Variants in NEIL2 observed in about 807,000 individuals in gnomAD.
NEIL2 encodes nei like DNA glycosylase 2, also known as endonuclease 8-like 2.
Under a neutral mutation model 22.2 loss-of-function variants are expected in NEIL2, and 23 were observed. The observed-to-expected ratio is 1.04, with a 90% confidence interval of 0.75 to 1.47. The LOEUF is 1.47. NEIL2 is among the 40% of genes most tolerant of loss of function. The probability of loss-of-function intolerance (pLI) is 0.00; values close to 1 mark genes in which losing one functional copy is unlikely to be tolerated. For missense variants in NEIL2, 583 were observed against 404.7 expected, an observed-to-expected ratio of 1.44 and a Z score of -3.78; for synonymous variants, 229 against 164.8, an observed-to-expected ratio of 1.39 and a Z score of -2.99.
At chr8:11,770,924 G>T (rs933870298) in intron 1 of NEIL2, among the ~76,000 whole-genome samples, 1 of 152,206 alleles carries the variant, frequency 6.6e-6, no homozygotes, top group African/African-American at 2.4e-5. Context: ...CTGTCTGCGT[G>T]TTGGTCGTTT....
intron 2 of NEIL2, among the ~76,000 whole-genome samples, chr8:11,772,401 C>T (rs183505391): frequency 1.4e-4 from 21 of 152,262 alleles, no homozygotes; most frequent in African/African-American, 4.6e-4. Flanking sequence ...TCACTTGCTG[C>T]CCCCTGCTCA....
chr8:11,784,924 A>G lies in NEIL2; in HGVS notation c.689-1039A>G, dbSNP rs922979729. 1.4e-4 allele frequency among the ~76,000 whole-genome samples: 21 copies of G among 152,214 alleles called. No individual in the cohort carries two copies. In the East Asian group the frequency reaches 2.9e-3, roughly 21 times the overall value. ...CTCTCTGTCACCCAGGCCAGAGTGCAGTGGCACAATCACAACCCACTGCAG... is the reference window on the plus strand; with the variant it reads ...CTCTCTGTCACCCAGGCCAGAGTGCGGTGGCACAATCACAACCCACTGCAG... On this transcript the variant is annotated intron_variant, in intron 4 of 4. Transcript: ENST00000284503.
At position 11,786,068 on chromosome 8, in the gene NEIL2, T is replaced by G; in HGVS notation, c.794T>G (p.Val265Gly). 6.2e-7 allele frequency: 1 copy of G among 1,614,060 alleles called. No individual in the cohort carries two copies. Among genetic ancestry groups the G allele is most frequent in the Admixed American group, 1.7e-5 (1 of 60,016 alleles). ...CGGGAGGTCCTGGTGGATCACGTGG[T>G]GGAGTTCAGTACAGCCTGGCTGCAG... is the stretch of plus-strand genomic sequence containing the variant. ...SRREVLVDHV[V>G]EFSTAWLQGK... is the part of the protein sequence containing the mutation. Residue 265 changes from valine (V) to glycine (G), a missense_variant, in exon 5 of 5, where the codon GTG becomes GGG. By Grantham distance (109) the Val-to-Gly change is moderately radical. Transcript: ENST00000284503.
At chr8:11,780,069 C>T in intron 3 of NEIL2, 119 bp downstream of exon 3, 3 of 842,360 alleles carry the variant, frequency 3.6e-6, no homozygotes, top group South Asian at 1.6e-5. Flanking sequence ...CCCCAGGGCC[C>T]TGCTGTCTTG....
chr8:11,783,281 C>A lies in NEIL2; in HGVS notation c.570C>A (p.Val190=). 1 of 1,614,170 alleles carries A rather than the reference C, an allele frequency of 6.2e-7. No individual in the cohort carries two copies. The highest frequency in any genetic ancestry group is 8.5e-7 in the Non-Finnish European group (1 of 1,180,010). The change falls in exon 4 of 5, where the codon GTC becomes GTA. Residue 190 remains valine, a synonymous_variant. Transcript: ENST00000284503. ...CQLSWSSSPV[V]TPTCDILSEK... ...TGTCTTGGAGCTCTTCCCCAGTGGTCACACCCACCTGTGACATCCTGTCTG... is the reference window on the plus strand; with the variant it reads ...TGTCTTGGAGCTCTTCCCCAGTGGTAACACCCACCTGTGACATCCTGTCTG...
chr8:11,779,222 C>G (rs934463342), intron 2 of NEIL2, among the ~76,000 whole-genome samples: 8 of 152,116 alleles, frequency 5.3e-5, no homozygotes, highest in African/African-American at 1.7e-4. Flanking sequence ...GTGTGCATTC[C>G]CACGCACCGC....
chr8:11,779,819 A>T lies in NEIL2; in HGVS notation c.360A>T (p.Arg120Ser). ...QGEDDSEYLE[R>S]DAPAGDAGRW... The stretch of plus-strand genomic sequence containing the variant: ...AGGATGATTCTGAGTATTTGGAGAG[A>T]GACGCCCCTGCAGGAGATGCTGGGA... The change falls in exon 3 of 5, where the codon AGA becomes AGT. Residue 120 changes from arginine to serine, a missense_variant. By Grantham distance (110) the Arg-to-Ser change is moderately radical (BLOSUM62 -1). Transcript: ENST00000284503. The T allele has an allele frequency of 6.2e-7, 1 of 1,614,036 alleles. No individual in the cohort carries two copies. Among genetic ancestry groups the T allele is most frequent in the Non-Finnish European group, 8.5e-7 (1 of 1,179,980 alleles).
At chr8:11,777,090 C>T (rs8191594) in intron 2 of NEIL2, among the ~76,000 whole-genome samples, 6,314 of 152,192 alleles carry the variant, frequency 0.041, 321 homozygotes, top group East Asian at 0.21. Flanking sequence ...GCCCAGGTAA[C>T]GGCCAGCTTC....
At chr8:11,771,699 C>T (rs974337372) in intron 2 of NEIL2, 114 bp downstream of exon 2, 7 of 1,087,878 alleles carry the variant, frequency 6.4e-6, no homozygotes, top group African/African-American at 4.6e-5. Flanking sequence ...CCACCAAGCT[C>T]GGACTCCATG....
intron 2 of NEIL2, among the ~76,000 whole-genome samples, chr8:11,778,136 C>T (rs902672146): frequency 1.4e-4 from 22 of 152,212 alleles, no homozygotes; most frequent in African/African-American, 5.3e-4. Context: ...GGTATGAGGA[C>T]ATCCTGACCT....
intron 2 of NEIL2, among the ~76,000 whole-genome samples, chr8:11,778,943 G>GAAA (rs57173797): frequency 0.21 from 9,460 of 44,098 alleles, 2,276 homozygotes; most frequent in Non-Finnish European, 0.26. Flanking sequence ...GACTCCATCT[G>GAAA]AAAAAAAAAA....
chr8:11,776,328 C>G (rs1473981391), intron 2 of NEIL2, among the ~76,000 whole-genome samples: 10 of 152,214 alleles, frequency 6.6e-5, no homozygotes, highest in African/African-American at 2.4e-4. Flanking sequence ...TTATCTCCCA[C>G]CGGGTCCCCC....
chr8:11,785,832 C>G, intron 4 of NEIL2, 131 bp from the exon 5 acceptor site: 1 of 813,778 alleles, frequency 1.2e-6, no homozygotes, highest in Non-Finnish European at 2.2e-6. Context: ...GAAATGGAGT[C>G]AGAGATCGCA....
chr8:11,777,605 A>G (rs748170186), intron 2 of NEIL2, among the ~76,000 whole-genome samples: 1 of 152,120 alleles, frequency 6.6e-6, no homozygotes, highest in Non-Finnish European at 1.5e-5. Context: ...ACTTCCCCAG[A>G]TACCTCATAT....
intron 3 of NEIL2, 129 bp downstream of exon 3, chr8:11,780,079 G>C (rs2130504283): frequency 1.4e-6 from 1 of 726,430 alleles, no homozygotes; most frequent in African/African-American, 1.8e-5. Context: ...CTGCTGTCTT[G>C]GGGAGAGAGG....
intron 3 of NEIL2, among the ~76,000 whole-genome samples, chr8:11,780,551 G>A (rs569390402): frequency 6.6e-6 from 1 of 152,256 alleles, no homozygotes; most frequent in South Asian, 2.1e-4. Context: ...GCTAACTTTT[G>A]TATTTTTAAT....
At chr8:11,784,518 G>C (rs1381845811) in intron 4 of NEIL2, among the ~76,000 whole-genome samples, 2 of 152,200 alleles carry the variant, frequency 1.3e-5, no homozygotes, top group Non-Finnish European at 2.9e-5. Flanking sequence ...ACTGATGTGT[G>C]TAATGAGGAG....
At chr8:11,777,365 T>A (rs1006371720) in intron 2 of NEIL2, among the ~76,000 whole-genome samples, 13 of 152,182 alleles carry the variant, frequency 8.5e-5, no homozygotes, top group African/African-American at 2.9e-4. Context: ...CACCGCCTTT[T>A]AAAAATTTTT....
At chr8:11,772,531 T>A (rs1803550948) in intron 2 of NEIL2, among the ~76,000 whole-genome samples, 1 of 152,206 alleles carries the variant, frequency 6.6e-6, no homozygotes, top group Non-Finnish European at 1.5e-5. Flanking sequence ...CTGTCTGCTT[T>A]AGGTGGGAAG....
Sources: allele counts gnomAD v4.1 joint callset (sites outside exome capture counted in the v4.1 genomes callset), GRCh38; gene constraint gnomAD v4.1.1; transcripts MANE v1.5; gene names NCBI Gene and HGNC (gene_info 2026-07-23, HGNC 2026-07-21).